The following GCSAM variants were observed in gnomAD, a reference collection of about 807,000 sequenced individuals.
GCSAM encodes germinal center associated signaling and motility.
Under a neutral mutation model 17.6 loss-of-function variants are expected in GCSAM, and 8 were observed. The ratio of observed to expected loss-of-function variants is 0.46; its 90% confidence interval spans 0.27 to 0.82. The LOEUF (loss-of-function observed/expected upper bound fraction) is 0.82, where lower values mean the gene tolerates loss of function less well. GCSAM is among the 40% of genes least tolerant of loss of function. The probability of loss-of-function intolerance (pLI) is 0.15; values close to 1 mark genes in which losing one functional copy is unlikely to be tolerated. For missense variants in GCSAM, 192 were observed against 213.5 expected (o/e 0.90, Z 0.63); for synonymous variants, 68 against 69.0 (o/e 0.98, Z 0.07).
Position 112,123,578 on chromosome 3 carries a change from G to A in GCSAM, c.414C>T (p.Pro138=). The A allele has an allele frequency of 6.2e-7, 1 of 1,614,122 alleles. No individual in the cohort carries two copies. Among genetic ancestry groups the A allele is most frequent in the Non-Finnish European group, 8.5e-7 (1 of 1,179,962 alleles). ...CATCTTCTGGGGATCGGGCATGCCTGGGGTCTGTAGAAGGCATATGTAGAA... is the reference window on the plus strand; with the variant it reads ...CATCTTCTGGGGATCGGGCATGCCTAGGGTCTGTAGAAGGCATATGTAGAA... ...YSLLHMPSTD[P]RHARSPEDEY... Residue 138 remains proline, a synonymous_variant, in exon 6 of 6, where the codon CCC becomes CCT. Transcript: ENST00000308910.
rs182632671 is a variant in GCSAM, at chr3:112,127,725, T to C, written c.143+292A>G. Among the ~76,000 whole-genome samples, 361 of 152,358 alleles carry C rather than the reference T, an allele frequency of 2.4e-3. 2 individuals carry two copies. The highest frequency in any genetic ancestry group is 8.3e-3 in the African/African-American group (347 of 41,580). ...GGATAGAAATGTGTGCTTCGGAACA[T>C]GCAGACTCAGATTTGCAGTGTGAAA... On this transcript the variant is annotated intron_variant, in intron 3 of 5. Coordinates refer to ENST00000308910, the MANE Select transcript of GCSAM (RefSeq NM_152785.5).
Position 112,123,320 on chromosome 3 carries a change from A to G in GCSAM, c.*135T>C. The G allele has an allele frequency of 6.8e-7, 1 of 1,472,490 alleles. No homozygotes were observed. Among genetic ancestry groups the G allele is most frequent in the Non-Finnish European group, 9.0e-7 (1 of 1,114,248 alleles). The allele number at this position is 1,472,490 out of a possible 1,614,324, so 91.2% of individuals were successfully genotyped here. A position where few individuals can be genotyped will look rare whatever the true frequency, so the allele number is the denominator to read the frequency against. On this transcript the variant is annotated 3_prime_UTR_variant, in exon 6 of 6. Coordinates refer to ENST00000308910, the MANE Select transcript of GCSAM (RefSeq NM_152785.5). The stretch of plus-strand genomic sequence containing the variant: ...GTGCTAAGAGGGCTTGTGGTATACA[A>G]ACCATGCTCTGCAGGGAAAGGGTTG...
intron 2 of GCSAM, chr3:112,128,581 C>T: frequency 4.3e-6 from 1 of 230,050 alleles, no homozygotes; most frequent in Non-Finnish European, 8.8e-6. Context: ...TATGTATTTC[C>T]AGTCTATGAC....
intron 2 of GCSAM, chr3:112,128,944 G>C (rs749040956): frequency 2.0e-5 from 3 of 152,188 alleles, no homozygotes; most frequent in Non-Finnish European, 4.4e-5. Flanking sequence ...ATCTCCCCCC[G>C]TGAGCTTTCC....
chr3:112,132,760 G>T, intron 1 of GCSAM: 1 of 611,904 alleles, frequency 1.6e-6, no homozygotes, highest in Non-Finnish European at 2.1e-6. Context: ...AGCATGAGGA[G>T]CTCAGGAGAG....
intron 1 of GCSAM, chr3:112,132,651 T>C: frequency 2.0e-6 from 2 of 987,052 alleles, no homozygotes; most frequent in South Asian, 9.4e-5. Context: ...TTGCAGGGAG[T>C]GCACATCAAA....
At chr3:112,128,372 C>A in intron 2 of GCSAM, 1 of 502,748 alleles carries the variant, frequency 2.0e-6, no homozygotes, top group South Asian at 1.9e-5. Context: ...AGTGTTATCC[C>A]CAGGAAATCA....
chr3:112,128,643 A>G (rs1202426701), intron 2 of GCSAM: 2 of 188,662 alleles, frequency 1.1e-5, no homozygotes, highest in East Asian at 2.6e-4. Flanking sequence ...TGATGAAGAT[A>G]TGAATACAGA....
At position 112,123,120 on chromosome 3, in the gene GCSAM, TAAG is replaced by T; in HGVS notation, c.*332_*334del. The T allele has an allele frequency of 3.4e-6, 1 of 295,380 alleles. No individual in the cohort carries two copies. The highest frequency in any genetic ancestry group is 8.1e-5 in the East Asian group (1 of 12,364). 18.3% of individuals were successfully genotyped at this position (295,380 alleles called of 1,614,324 possible). ...AGAGAATGATCATGGGAACACTTTA[TAAG>T]AAGATCCCAGACAGAAGAGCAGAGC... is the stretch of plus-strand genomic sequence containing the variant. On this transcript the variant is annotated 3_prime_UTR_variant, in exon 6 of 6. Transcript: ENST00000308910.
chr3:112,127,996 TA>T lies in GCSAM; in HGVS notation c.143+20del. ...AAACCACACTTAGGGAAATAACTCCTAAAAACAACTGTCCACTCACCATGGA... is the reference window on the plus strand; with the variant it reads ...AAACCACACTTAGGGAAATAACTCCTAAAACAACTGTCCACTCACCATGGA... On this transcript the variant is annotated intron_variant, in intron 3 of 5. Transcript: ENST00000308910. 1.2e-6 allele frequency: 2 copies of T among 1,610,122 alleles called. No homozygotes were observed. Among genetic ancestry groups the T allele is most frequent in the Non-Finnish European group, 1.7e-6 (2 of 1,176,514 alleles).
chr3:112,132,652 G>A, intron 1 of GCSAM: 1 of 987,170 alleles, frequency 1.0e-6, no homozygotes, highest in Non-Finnish European at 1.2e-6. Context: ...TGCAGGGAGT[G>A]CACATCAAAG....
chr3:112,132,929 G>A, intron 1 of GCSAM, 163 bp downstream of exon 1: 1 of 638,224 alleles, frequency 1.6e-6, no homozygotes, highest in Non-Finnish European at 2.6e-6. Context: ...AATTTAATGT[G>A]GTATCTGGCA....
At chr3:112,129,764 A>G (rs1409583343) in intron 2 of GCSAM, 1 of 152,202 alleles carries the variant, frequency 6.6e-6, no homozygotes, top group African/African-American at 2.4e-5. Flanking sequence ...GTGTTAGAAA[A>G]TAACAACAGT....
At chr3:112,130,757 TC>T (rs1437601189) in intron 1 of GCSAM, 1 of 528,974 alleles carries the variant, frequency 1.9e-6, no homozygotes, top group Admixed American at 3.1e-5. Flanking sequence ...GAACAAGTGA[TC>T]CTAAATCATC....
Position 112,125,271 on chromosome 3 carries a change from C to T in GCSAM, c.191-17G>A, listed in dbSNP as rs746133071. 6.5e-7 allele frequency: 1 copy of T among 1,546,838 alleles called. No individual in the cohort carries two copies. Among genetic ancestry groups the T allele is most frequent in the Non-Finnish European group, 8.9e-7 (1 of 1,118,868 alleles). On this transcript the variant is annotated splice_polypyrimidine_tract_variant and intron_variant, in intron 4 of 5. Transcript: ENST00000308910. Reference sequence around the variant, plus strand: ...TTCTTTCATCTGGAGAAAGAAAATACACTCAATGAATTTCAGGTTATGGGG... The same window carrying T: ...TTCTTTCATCTGGAGAAAGAAAATATACTCAATGAATTTCAGGTTATGGGG...
At chr3:112,126,296 G>A (rs932312449) in intron 4 of GCSAM, among the ~76,000 whole-genome samples, 5 of 152,142 alleles carry the variant, frequency 3.3e-5, no homozygotes, top group Non-Finnish European at 7.3e-5. Context: ...TCCTCTTTAA[G>A]GAAGGAAAAG....
intron 1 of GCSAM, 74 bp from the exon 2 acceptor site, chr3:112,130,587 G>T: frequency 7.5e-7 from 1 of 1,332,372 alleles, no homozygotes; most frequent in Non-Finnish European, 1.1e-6. Flanking sequence ...TAATTTTTCC[G>T]ACTTTCCTCA....
intron 5 of GCSAM, among the ~76,000 whole-genome samples, chr3:112,124,622 A>C (rs1053978618): frequency 6.6e-6 from 1 of 152,108 alleles, no homozygotes; most frequent in South Asian, 2.1e-4. Flanking sequence ...AAAATAAATA[A>C]ATAAATATAA....
At chr3:112,129,236 G>A (rs1041433545) in intron 2 of GCSAM, 9 of 152,212 alleles carry the variant, frequency 5.9e-5, no homozygotes, top group Non-Finnish European at 1.2e-4. Context: ...GAGGAGAAAT[G>A]AATGAGATAA....
Sources: gnomAD v4.1 joint callset for allele counts (sites outside exome capture counted in the v4.1 genomes callset) on GRCh38, gnomAD v4.1.1 for gene constraint, MANE v1.5 for transcripts, NCBI Gene and HGNC (gene_info 2026-07-23, HGNC 2026-07-21) for gene names.